The following MTCL3 variants were observed in gnomAD, a reference collection of about 807,000 sequenced individuals.
MTCL3 encodes the protein microtubule cross-linking factor 3.
At chr6:127,514,333 A>G in the MTCL3 span, among the ~76,000 whole-genome samples, 1 of 152,242 alleles carries the variant, frequency 6.6e-6, no homozygotes, top group Non-Finnish European at 1.5e-5. Flanking sequence ...TCCTGGAAGA[A>G]GGAAGTGGAG....
At chr6:127,516,366 G>C in the MTCL3 span, 76 of 1,600,344 alleles carry the variant, frequency 4.7e-5, no homozygotes, top group Middle Eastern at 4.9e-4. Flanking sequence ...TCCCGGTCTT[G>C]TTACCCTGCT....
the MTCL3 span, among the ~76,000 whole-genome samples, chr6:127,474,149 T>C: frequency 2.7e-5 from 3 of 112,456 alleles, no homozygotes; most frequent in Non-Finnish European, 6.1e-5. Flanking sequence ...TTATTTCAAC[T>C]TATGGTAAAA....
the MTCL3 span, among the ~76,000 whole-genome samples, chr6:127,474,894 A>G: frequency 6.6e-6 from 1 of 152,190 alleles, no homozygotes. Flanking sequence ...CTCAAAAACC[A>G]CATATCAGCA....
chr6:127,476,340 G>T, the MTCL3 span: 1 of 1,614,186 alleles, frequency 6.2e-7, no homozygotes, highest in Non-Finnish European at 8.5e-7. This position sits in a 1 kb window ranked among gnomAD's most constrained non-coding sequence, Gnocchi z 4.4. Context: ...CCCCATAAAA[G>T]GATCTGTACT....
chr6:127,505,794 C>G, the MTCL3 span, among the ~76,000 whole-genome samples: 4 of 152,142 alleles, frequency 2.6e-5, no homozygotes, highest in Non-Finnish European at 5.9e-5. Context: ...TAATGCAACG[C>G]TTTGCCATCT....
At chr6:127,514,700 C>CG in the MTCL3 span, 1 of 740,652 alleles carries the variant, frequency 1.4e-6, no homozygotes, top group African/African-American at 1.8e-5. Context: ...GTTAGCGCTA[C>CG]GAAACTGTGT....
At chr6:127,515,476 C>T in the MTCL3 span, 1 of 1,403,452 alleles carries the variant, frequency 7.1e-7, no homozygotes, top group Non-Finnish European at 9.3e-7. The surrounding 1 kb of genome is among the most constrained non-coding windows in gnomAD (Gnocchi z 4.3). Flanking sequence ...CAGGCCCACT[C>T]TTCCCATCCC....
chr6:127,507,816 C>G, the MTCL3 span, among the ~76,000 whole-genome samples: 1 of 138,058 alleles, frequency 7.2e-6, no homozygotes, highest in African/African-American at 2.8e-5. Flanking sequence ...GCACTCCAGC[C>G]TGGGCGACAG....
the MTCL3 span, chr6:127,514,680 G>C: frequency 1.1e-5 from 7 of 659,982 alleles, no homozygotes; most frequent in East Asian, 1.9e-4. Context: ...TGAGACCCTA[G>C]TATTTTGTGG....
chr6:127,514,880 G>T, the MTCL3 span: 1 of 1,614,094 alleles, frequency 6.2e-7, no homozygotes, highest in Non-Finnish European at 8.5e-7. Context: ...CGGTCTGGGC[G>T]TAGCGGAGCC....
chr6:127,513,246 G>C, the MTCL3 span, among the ~76,000 whole-genome samples: 1 of 152,128 alleles, frequency 6.6e-6, no homozygotes, highest in Non-Finnish European at 1.5e-5. Context: ...CATGGGATAG[G>C]TACTATTATT....
At chr6:127,492,637 C>T in the MTCL3 span, among the ~76,000 whole-genome samples, 3 of 152,290 alleles carry the variant, frequency 2.0e-5, no homozygotes, top group Non-Finnish European at 4.4e-5. Flanking sequence ...TCTCCTGCCT[C>T]AGCCTCCCTA....
At chr6:127,475,728 C>T in the MTCL3 span, 3 of 1,590,802 alleles carry the variant, frequency 1.9e-6, no homozygotes, top group Non-Finnish European at 2.6e-6. This position sits in a 1 kb window ranked among gnomAD's most constrained non-coding sequence, Gnocchi z 7.3. Flanking sequence ...GCGGAGGCCG[C>T]GAGTCGTCGT....
chr6:127,492,071 G>A, the MTCL3 span, among the ~76,000 whole-genome samples: 200 of 152,066 alleles, frequency 1.3e-3, 3 homozygotes, highest in Non-Finnish European at 2.4e-4. Flanking sequence ...TTTAAGTCTG[G>A]GCTGGCCTGC....
the MTCL3 span, among the ~76,000 whole-genome samples, chr6:127,501,304 C>T: frequency 0.018 from 2,737 of 152,236 alleles, 74 homozygotes; most frequent in African/African-American, 0.062. Flanking sequence ...CTACATTTTA[C>T]CCTTGATAGA....
the MTCL3 span, chr6:127,515,898 C>T: frequency 5.0e-5 from 80 of 1,611,692 alleles, no homozygotes; most frequent in Non-Finnish European, 6.5e-5. The surrounding 1 kb of genome is among the most constrained non-coding windows in gnomAD (Gnocchi z 4.3). Context: ...TGCCGCCCCC[C>T]GCAACGCCGC....
At chr6:127,498,420 G>T in the MTCL3 span, among the ~76,000 whole-genome samples, 1 of 152,102 alleles carries the variant, frequency 6.6e-6, no homozygotes, top group Non-Finnish European at 1.5e-5. Context: ...TAATAAAAAA[G>T]ATATACAATC....
chr6:127,511,629 C>T, the MTCL3 span, among the ~76,000 whole-genome samples: 75 of 152,304 alleles, frequency 4.9e-4, 1 homozygote, highest in African/African-American at 1.7e-3. Context: ...AAATAGATCA[C>T]ACAGCTCCCA....
At chr6:127,485,640 G>A in the MTCL3 span, among the ~76,000 whole-genome samples, 1 of 152,044 alleles carries the variant, frequency 6.6e-6, no homozygotes, top group Admixed American at 6.6e-5. Flanking sequence ...TGGTCTTTGT[G>A]TTTCATTCAT....
Sources: gnomAD v4.1 joint callset for allele counts (sites outside exome capture counted in the v4.1 genomes callset) on GRCh38, gnomAD v4.1.1 for gene constraint, Gnocchi (gnomAD v3.1) non-coding constraint, MANE v1.5 for transcripts, NCBI Gene and HGNC (gene_info 2026-07-23, HGNC 2026-07-21) for gene names.